Variants in OVCH1 observed in about 807,000 individuals in gnomAD.
OVCH1 encodes ovochymase 1.
OVCH1 carries 139 observed loss-of-function variants against 138.4 expected under a neutral mutation model. The ratio of observed to expected loss-of-function variants is 1.00; its 90% CI spans 0.87 to 1.16. The LOEUF is 1.16. OVCH1 is among the 50% of genes most tolerant of loss of function. The pLI is 0.00. For synonymous variants in OVCH1, 453 were observed against 467.8 expected (o/e 0.97, Z 0.41); for missense variants, 1,367 against 1,357.9 (o/e 1.01, Z -0.11).
At chr12:29,480,595 A>G (rs1301855947) in intron 8 of OVCH1, among the ~76,000 whole-genome samples, 1 of 152,226 alleles carries the variant, frequency 6.6e-6, no homozygotes, top group African/African-American at 2.4e-5. Flanking sequence ...AATTCAAATA[A>G]TCTATGGAGC....
intron 22 of OVCH1, among the ~76,000 whole-genome samples, chr12:29,446,429 A>G (rs1159333678): frequency 1.3e-5 from 2 of 152,166 alleles, no homozygotes; most frequent in African/African-American, 2.4e-5. Flanking sequence ...TTTAACAGGA[A>G]GAAATATAGC....
chr12:29,404,306 G>A, the OVCH1 span, among the ~76,000 whole-genome samples: 2 of 152,304 alleles, frequency 1.3e-5, no homozygotes, highest in South Asian at 4.1e-4. Context: ...CCCATGCCGG[G>A]CACATTGCGG....
intron 4 of OVCH1, among the ~76,000 whole-genome samples, chr12:29,493,235 C>T (rs953879781): frequency 1.9e-4 from 29 of 152,128 alleles, no homozygotes; most frequent in African/African-American, 5.3e-4. Context: ...GTATTTTGAT[C>T]GCCTACTGTC....
At chr12:29,408,955 G>T (rs950822410), downstream of OVCH1, among the ~76,000 whole-genome samples, 1 of 152,064 alleles carries the variant, frequency 6.6e-6, no homozygotes, top group Non-Finnish European at 1.5e-5. Context: ...TTTTTGGTTG[G>T]TAAGCTATTG....
chr12:29,461,104 C>G (rs920618271), intron 19 of OVCH1, among the ~76,000 whole-genome samples: 1 of 152,048 alleles, frequency 6.6e-6, no homozygotes, highest in Non-Finnish European at 1.5e-5. Flanking sequence ...GCTGCAGAAA[C>G]AAGATTCATT....
chr12:29,475,420 C>A (rs954022429), intron 13 of OVCH1, among the ~76,000 whole-genome samples: 1 of 151,738 alleles, frequency 6.6e-6, no homozygotes, highest in Non-Finnish European at 1.5e-5. Flanking sequence ...ATTTCCAGTA[C>A]GCCCGGAAAC....
downstream of OVCH1, among the ~76,000 whole-genome samples, chr12:29,426,962 A>T (rs1445361601): frequency 6.6e-6 from 1 of 152,242 alleles, no homozygotes; most frequent in Non-Finnish European, 1.5e-5. Flanking sequence ...TGGACAGTGC[A>T]GGTGTAGACA....
intron 16 of OVCH1, among the ~76,000 whole-genome samples, chr12:29,467,145 C>T (rs1942349267): frequency 6.6e-6 from 1 of 152,044 alleles, no homozygotes; most frequent in South Asian, 2.1e-4. Flanking sequence ...TTATTATCTG[C>T]CATGCACGCT....
At chr12:29,421,069 C>A (rs1033813213) in intron 3 of OVCH1, among the ~76,000 whole-genome samples, 17 of 152,204 alleles carry the variant, frequency 1.1e-4, no homozygotes, top group Non-Finnish European at 5.9e-5. Context: ...GCTGCCAGGA[C>A]CCACTGTTTT....
At position 29,476,752 on chromosome 12, in the gene OVCH1, C is replaced by CGT. The variant is rs1565600431; in HGVS notation, c.1377+349_1377+350insAC. 2.2e-3 allele frequency among the ~76,000 whole-genome samples: 19 copies of CGT among 8,594 alleles called. No individual in the cohort carries two copies. In the East Asian group the frequency reaches 0.045, roughly 20 times the overall value. The allele number at this position is 8,594 out of a possible 152,430, so 5.6% of individuals were successfully genotyped here. ...TTGCCAAGCAGCATAAGTACACACG[C>CGT]GCGCACACACACACACACACACACA... is the stretch of plus-strand genomic sequence containing the variant. On this transcript the variant is annotated intron_variant, in intron 12 of 27. Transcript: ENST00000318184.
chr12:29,491,403 A>G (rs1325132765), intron 4 of OVCH1, among the ~76,000 whole-genome samples: 1 of 152,228 alleles, frequency 6.6e-6, no homozygotes, highest in African/African-American at 2.4e-5. Flanking sequence ...GATAAACATA[A>G]GGCCAATTGT....
intron 22 of OVCH1, among the ~76,000 whole-genome samples, chr12:29,448,353 A>G (rs780016437): frequency 3.3e-5 from 5 of 151,588 alleles, no homozygotes; most frequent in Non-Finnish European, 7.4e-5. Flanking sequence ...TTAGAAGATA[A>G]TAAGTGCTCT....
chr12:29,433,549 ATTT>A (rs1941306530), intron 27 of OVCH1, among the ~76,000 whole-genome samples: 1 of 152,156 alleles, frequency 6.6e-6, no homozygotes, highest in Non-Finnish European at 1.5e-5. Context: ...TATACTATAT[ATTT>A]TTATATGATT....
intron 25 of OVCH1, among the ~76,000 whole-genome samples, chr12:29,443,068 G>A (rs151156047): frequency 1.3e-4 from 20 of 152,148 alleles, no homozygotes; most frequent in African/African-American, 4.6e-4. Context: ...ATTTTCTTGT[G>A]TTTTTGTCTA....
intron 12 of OVCH1, among the ~76,000 whole-genome samples, chr12:29,476,853 TCAGTGTTTGC>T (rs1355372339): frequency 3.3e-5 from 5 of 151,780 alleles, no homozygotes; most frequent in African/African-American, 1.2e-4. Flanking sequence ...TAGTAAGTTA[TCAGTGTTTGC>T]CTCCAGGGGT....
chr12:29,469,728 G>T (rs1329392070), intron 16 of OVCH1, among the ~76,000 whole-genome samples: 1 of 144,190 alleles, frequency 6.9e-6, no homozygotes, highest in Non-Finnish European at 1.5e-5. Context: ...AAAAAAAAAA[G>T]TCGGGCATGG....
At chr12:29,413,826 T>TAA (rs1322119938) in intron 3 of OVCH1, among the ~76,000 whole-genome samples, 1 of 152,210 alleles carries the variant, frequency 6.6e-6, no homozygotes, top group Non-Finnish European at 1.5e-5. Context: ...AAAAATTGTA[T>TAA]AAACTCTTTG....
intron 3 of OVCH1, among the ~76,000 whole-genome samples, chr12:29,417,089 A>G (rs893002534): frequency 4.6e-5 from 7 of 152,214 alleles, no homozygotes; most frequent in Non-Finnish European, 8.8e-5. Flanking sequence ...GTTACATACT[A>G]TGCAGCTCCA....
At chr12:29,409,721 C>T (rs1010437965), downstream of OVCH1, among the ~76,000 whole-genome samples, 1 of 152,268 alleles carries the variant, frequency 6.6e-6, no homozygotes, top group East Asian at 1.9e-4. Context: ...GAGAGCTTTA[C>T]TTCCAATTAT....
Sources: allele counts gnomAD v4.1 joint callset (sites outside exome capture counted in the v4.1 genomes callset), GRCh38; gene constraint gnomAD v4.1.1; transcripts MANE v1.5; gene names NCBI Gene and HGNC (gene_info 2026-07-23, HGNC 2026-07-21).